The following AMOTL1 variants were observed in gnomAD, a reference collection of about 807,000 sequenced individuals.
The protein encoded by AMOTL1 is angiomotin like 1, also known as angiomotin-like protein 1.
In AMOTL1, 45 loss-of-function variants were observed where a neutral mutation model predicts 102.9. That is an observed-to-expected ratio of 0.44 (90% CI 0.34 to 0.56). AMOTL1 has a LOEUF of 0.56. Among genes scored for constraint, AMOTL1 ranks in the 20% least tolerant of loss-of-function variants. The pLI is 0.01. For synonymous variants in AMOTL1, 481 were observed against 484.7 expected (o/e 0.99, Z 0.10); for missense variants, 1,114 against 1,225.6 (o/e 0.91, Z 1.36).
intron 3 of AMOTL1, among the ~76,000 whole-genome samples, chr11:94,745,915 T>A (rs1950584613): frequency 6.6e-6 from 1 of 152,156 alleles, no homozygotes; most frequent in Non-Finnish European, 1.5e-5. Flanking sequence ...GAATGGTGAT[T>A]AGGTCAGTGG....
intron 3 of AMOTL1, among the ~76,000 whole-genome samples, chr11:94,801,691 A>G (rs1181668206): frequency 6.6e-6 from 1 of 152,166 alleles, no homozygotes; most frequent in Non-Finnish European, 1.5e-5. Context: ...GACAGGGTTT[A>G]GGGATTGGTT....
rs984218729 is a variant in AMOTL1 at position 94,850,966 on chromosome 11, C to T, written c.1794+707C>T. Among the ~76,000 whole-genome samples, 4 of 152,184 alleles carry T rather than the reference C, an allele frequency of 2.6e-5. No homozygotes were observed. In the East Asian group the frequency reaches 5.8e-4, roughly 22 times the overall value. On this transcript the variant is annotated intron_variant, in intron 7 of 12. Transcript: ENST00000433060. ...AACTGTCTCTTCAGAAAACCTCCCC[C>T]GATGCTAAGTAACAGGGATGTTTCA...
chr11:94,857,614 T>C (rs994102357), intron 8 of AMOTL1, among the ~76,000 whole-genome samples: 1 of 152,252 alleles, frequency 6.6e-6, no homozygotes, highest in African/African-American at 2.4e-5. Flanking sequence ...CTCACAATTT[T>C]ATCACTTTTA....
At chr11:94,830,543 C>T (rs1952049502) in intron 5 of AMOTL1, among the ~76,000 whole-genome samples, 1 of 152,222 alleles carries the variant, frequency 6.6e-6, no homozygotes, top group South Asian at 2.1e-4. Context: ...ATGTTAGACG[C>T]ACAACCCTTT....
chr11:94,747,401 C>G (rs1446344547), intron 3 of AMOTL1, among the ~76,000 whole-genome samples: 1 of 152,106 alleles, frequency 6.6e-6, no homozygotes, highest in South Asian at 2.1e-4. Context: ...TTGGGAGCCA[C>G]CAGGGCTAAC....
In AMOTL1 at chr11:94,768,962, C is replaced by G. The variant is rs189614158; in HGVS notation, c.49+402C>G. ...GAAGGGGGTGTCCGGTGCAGCTTTC[C>G]CCGGCGCGAGACAAAGGCGCGCGCA... On this transcript the variant is annotated intron_variant, in intron 1 of 12. Coordinates refer to ENST00000433060, the MANE Select transcript of AMOTL1 (RefSeq NM_130847.3). Among the ~76,000 whole-genome samples, 831 of 152,164 alleles carry G rather than the reference C, an allele frequency of 5.5e-3. 4 individuals carry two copies. The highest frequency in any genetic ancestry group is 0.019 in the African/African-American group (786 of 41,546).
At chr11:94,751,480 T>C (rs1950653155) in intron 3 of AMOTL1, among the ~76,000 whole-genome samples, 1 of 152,040 alleles carries the variant, frequency 6.6e-6, no homozygotes, top group South Asian at 2.1e-4. Context: ...GGCGAGGCGG[T>C]AGAAGCCTAA....
intron 4 of AMOTL1, among the ~76,000 whole-genome samples, chr11:94,826,129 G>GA (rs1951958748): frequency 6.6e-6 from 1 of 151,906 alleles, no homozygotes. Context: ...TACTAAAAAA[G>GA]AAAAAATACA....
chr11:94,825,456 A>G (rs144489885), intron 4 of AMOTL1, among the ~76,000 whole-genome samples: 11 of 152,252 alleles, frequency 7.2e-5, no homozygotes, highest in African/African-American at 1.9e-4. Flanking sequence ...GCTTATTACA[A>G]CAGTGCCAGT....
At chr11:94,734,693 CCG>C (rs1950410007) in intron 2 of AMOTL1, among the ~76,000 whole-genome samples, 1 of 152,144 alleles carries the variant, frequency 6.6e-6, no homozygotes, top group Non-Finnish European at 1.5e-5. Flanking sequence ...TATTGCTTCC[CCG>C]CTCTGCTCTG....
chr11:94,816,153 A>G (rs997057061), intron 3 of AMOTL1, among the ~76,000 whole-genome samples: 7 of 152,174 alleles, frequency 4.6e-5, no homozygotes, highest in East Asian at 1.9e-4. Flanking sequence ...CTTTTATTGT[A>G]TCTTGCTGTT....
intron 1 of AMOTL1, among the ~76,000 whole-genome samples, chr11:94,706,944 T>A (rs747036541): frequency 6.6e-6 from 1 of 152,110 alleles, no homozygotes; most frequent in Non-Finnish European, 1.5e-5. Context: ...TTTGCCTTCC[T>A]ACTGATTGGG....
Position 94,714,100 on chromosome 11 carries a change from G to A in AMOTL1, c.-51+7503G>A, listed in dbSNP as rs192584581. Among the ~76,000 whole-genome samples, 316 of 152,092 alleles carry A rather than the reference G, an allele frequency of 2.1e-3. 1 individual carries two copies. Among genetic ancestry groups the A allele is most frequent in the Non-Finnish European group, 3.8e-3 (260 of 67,906 alleles). On this transcript the variant is annotated intron_variant, in intron 1 of 4. Transcript: ENST00000299004. The stretch of plus-strand genomic sequence containing the variant: ...TGCTGAGGGTTTTTATCTTGAATGA[G>A]TGTTTGCTTGTTACATGCTTTTCGT...
At chr11:94,791,538 GTC>G (rs1303286410) in intron 1 of AMOTL1, among the ~76,000 whole-genome samples, 4 of 152,220 alleles carry the variant, frequency 2.6e-5, no homozygotes, top group Non-Finnish European at 5.9e-5. Flanking sequence ...TATGGGAATG[GTC>G]TTTATGAAGC....
intron 9 of AMOTL1, among the ~76,000 whole-genome samples, chr11:94,863,643 A>G (rs1167151373): frequency 2.0e-5 from 3 of 152,224 alleles, no homozygotes; most frequent in African/African-American, 7.2e-5. Context: ...ATGAAGTTAA[A>G]AGATGTGAAA....
At chr11:94,743,230 C>T (rs949787661) in intron 3 of AMOTL1, among the ~76,000 whole-genome samples, 1 of 152,158 alleles carries the variant, frequency 6.6e-6, no homozygotes, top group Non-Finnish European at 1.5e-5. Context: ...CCCGGGGATC[C>T]CTAAGGCGTC....
rs1952500873 is a variant in AMOTL1, at chr11:94,850,101, G to A, written c.1649-13G>A. The A allele has an allele frequency of 6.3e-6, 10 of 1,575,106 alleles. No individual in the cohort carries two copies. The highest frequency in any genetic ancestry group is 2.3e-5 in the East Asian group (1 of 43,192). ...TTCTGATAGAGGTAGTTTTGTTCGT[G>A]TTTCCCTTCTAGACAAAGAATTCTT... On this transcript the variant is annotated splice_polypyrimidine_tract_variant and intron_variant, in intron 6 of 12. Coordinates refer to ENST00000433060, the MANE Select transcript of AMOTL1 (RefSeq NM_130847.3).
rs147849130 is a variant in AMOTL1, at chr11:94,782,035, T to A, written c.50-12976T>A. Among the ~76,000 whole-genome samples the A allele has an allele frequency of 1.7e-3, 263 of 152,258 alleles. 1 individual carries two copies. Among genetic ancestry groups the A allele is most frequent in the African/African-American group, 5.8e-3 (241 of 41,548 alleles). On this transcript the variant is annotated intron_variant, in intron 1 of 12. Transcript: ENST00000433060. Reference sequence around the variant, plus strand: ...AAATCTCAAACCTTGAGTATGTCTTTTTAACATCCTGTGTGATGAAATGGG... The same window carrying A: ...AAATCTCAAACCTTGAGTATGTCTTATTAACATCCTGTGTGATGAAATGGG...
intron 6 of AMOTL1, among the ~76,000 whole-genome samples, chr11:94,848,059 T>C (rs921795521): frequency 6.6e-6 from 1 of 152,168 alleles, no homozygotes; most frequent in African/African-American, 2.4e-5. Context: ...CCTCCAGAGC[T>C]TGGAGAAGGC....
Sources: gnomAD v4.1 joint callset for allele counts (sites outside exome capture counted in the v4.1 genomes callset) on GRCh38, gnomAD v4.1.1 for gene constraint, MANE v1.5 for transcripts, NCBI Gene and HGNC (gene_info 2026-07-23, HGNC 2026-07-21) for gene names.